BCL11B: variants seen among roughly 807,000 people sequenced by gnomAD.
BCL11B encodes B-cell lymphoma/leukemia 11B.
A neutral mutation model predicts 49.9 loss-of-function variants in BCL11B; 8 were observed. The ratio of observed to expected loss-of-function variants is 0.16; its 90% CI spans 0.09 to 0.29. The LOEUF (loss-of-function observed/expected upper bound fraction) is 0.29. Ranked by LOEUF, BCL11B falls within the 10% of genes least tolerant of loss-of-function variation. The pLI, the probability that BCL11B is intolerant of heterozygous loss-of-function variation, is 1.00. For missense variants in BCL11B, 1,006 were observed against 1,351.0 expected, an observed-to-expected ratio of 0.74 and a Z score of 4.00; for synonymous variants, 739 against 637.4, an observed-to-expected ratio of 1.16 and a Z score of -2.40.
intron 3 of BCL11B, among the ~76,000 whole-genome samples, chr14:99,196,651 C>G (rs186096150): frequency 9.3e-4 from 142 of 152,322 alleles, no homozygotes; most frequent in Non-Finnish European, 1.4e-3. Flanking sequence ...GCTGAAGCCT[C>G]AGCAGTTCCA....
chr14:99,206,334 T>C (rs1887532722), intron 3 of BCL11B, among the ~76,000 whole-genome samples: 4 of 152,210 alleles, frequency 2.6e-5, no homozygotes, highest in Non-Finnish European at 5.9e-5. Flanking sequence ...TTGAATACAG[T>C]AGTTCCCTGT....
At position 99,232,529 on chromosome 14, in the gene BCL11B, G is replaced by A. The variant is rs763574075; in HGVS notation, c.428-972C>T. Among the ~76,000 whole-genome samples, 8 of 152,168 alleles carry A rather than the reference G, an allele frequency of 5.3e-5. No individual in the cohort carries two copies. Among genetic ancestry groups the A allele is most frequent in the East Asian group, 3.9e-4 (2 of 5,178 alleles). ...AGAGGATGGGCAGCTGGGCCCAGCCGGCTTTGCCAGGGAGGCCCAGCACAG... is the reference window on the plus strand; with the variant it reads ...AGAGGATGGGCAGCTGGGCCCAGCCAGCTTTGCCAGGGAGGCCCAGCACAG... On this transcript the variant is annotated intron_variant, in intron 2 of 3. Coordinates refer to ENST00000357195, the MANE Select transcript of BCL11B (RefSeq NM_138576.4). The surrounding 1 kb of genome is among the most constrained non-coding windows in gnomAD (Gnocchi z 5.1).
chr14:99,237,560 G>A (rs1224467511), intron 2 of BCL11B, among the ~76,000 whole-genome samples: 1 of 152,100 alleles, frequency 6.6e-6, no homozygotes, highest in Non-Finnish European at 1.5e-5. Flanking sequence ...TTCTCCATCA[G>A]ACACCACTGT....
rs1378054447 is a variant in BCL11B, at chr14:99,195,459, T to TC, written c.641-19265dup. Among the ~76,000 whole-genome samples the TC allele has an allele frequency of 6.6e-6, 1 of 151,508 alleles. No individual in the cohort carries two copies. Among genetic ancestry groups the TC allele is most frequent in the African/African-American group, 2.4e-5 (1 of 41,190 alleles). On this transcript the variant is annotated intron_variant, in intron 3 of 3. Coordinates refer to ENST00000357195, the MANE Select transcript of BCL11B (RefSeq NM_138576.4). The surrounding 1 kb of genome is among the most constrained non-coding windows in gnomAD (Gnocchi z 4.7). ...TTGCCCACCCCACCACACACCACAG[T>TC]CCCCCAAGCCAGGATACTGCACTGG...
At chr14:99,235,368 G>C (rs947554388) in intron 2 of BCL11B, among the ~76,000 whole-genome samples, 1 of 152,182 alleles carries the variant, frequency 6.6e-6, no homozygotes, top group African/African-American at 2.4e-5. Context: ...GGGAGGCAGC[G>C]CGTGTGAGTG....
Position 99,200,411 on chromosome 14 carries a change from G to A in BCL11B, c.641-24216C>T, listed in dbSNP as rs78408035. On this transcript the variant is annotated intron_variant, in intron 3 of 3. Coordinates refer to ENST00000357195, the MANE Select transcript of BCL11B (RefSeq NM_138576.4). ...AAGCCAATATCTATGGCTGGAGCCA[G>A]GGGACATGAGCAGTGCCCCAGATCA... is the stretch of plus-strand genomic sequence containing the variant. Among the ~76,000 whole-genome samples, 533 of 152,348 alleles carry A rather than the reference G, an allele frequency of 3.5e-3. 23 individuals carry two copies. The East Asian group carries it at 0.089, about 25-fold the overall frequency.
chr14:99,271,264 G>C lies in BCL11B; in HGVS notation c.-46C>G, dbSNP rs756408475. On this transcript the variant is annotated 5_prime_UTR_variant, in exon 1 of 4. Transcript: ENST00000357195. ...CATCGCCCGGAGAGCTGCACTGATG[G>C]GGGGAGCCGGGGGAGGGGGTCCGAG... is the stretch of plus-strand genomic sequence containing the variant. 1.7e-5 allele frequency: 22 copies of C among 1,287,092 alleles called. No homozygotes were observed. The Admixed American group carries it at 6.9e-4, about 40-fold the overall frequency. 79.7% of individuals were successfully genotyped at this position (1,287,092 alleles called of 1,614,324 possible).
At chr14:99,217,393 C>CACACATACAG (rs148995343) in intron 3 of BCL11B, among the ~76,000 whole-genome samples, 45,856 of 149,148 alleles carry the variant, frequency 0.31, 8,182 homozygotes, top group Non-Finnish European at 0.42. Flanking sequence ...CAGACACACA[C>CACACATACAG]ACACACACAC....
intron 3 of BCL11B, among the ~76,000 whole-genome samples, chr14:99,180,041 CT>C (rs1886656119): frequency 6.6e-6 from 1 of 152,200 alleles, no homozygotes; most frequent in Admixed American, 6.5e-5. Flanking sequence ...GAGCAGGCTG[CT>C]TCTGACTGGG....
intron 2 of BCL11B, among the ~76,000 whole-genome samples, chr14:99,236,559 C>T (rs369683407): frequency 5.4e-4 from 82 of 152,276 alleles, no homozygotes; most frequent in Admixed American, 1.4e-3. Context: ...CTGTGGTCAT[C>T]TGGCACTTCT....
At chr14:99,187,813 C>T (rs925175858) in intron 3 of BCL11B, among the ~76,000 whole-genome samples, 4 of 149,672 alleles carry the variant, frequency 2.7e-5, no homozygotes, top group South Asian at 2.1e-4. Flanking sequence ...GAAGTCTCCC[C>T]TCTCCATAAT....
At position 99,192,537 on chromosome 14, in the gene BCL11B, C is replaced by G. The variant is rs1330007224; in HGVS notation, c.641-16342G>C. Among the ~76,000 whole-genome samples, 3 of 152,212 alleles carry G rather than the reference C, an allele frequency of 2.0e-5. No homozygotes were observed. The highest frequency in any genetic ancestry group is 7.2e-5 in the African/African-American group (3 of 41,454). On this transcript the variant is annotated intron_variant, in intron 3 of 3. Coordinates refer to ENST00000357195, the MANE Select transcript of BCL11B (RefSeq NM_138576.4). The surrounding 1 kb of genome is among the most constrained non-coding windows in gnomAD (Gnocchi z 4.0). ...TCACCTCGTCCTCGCCACACACACC[C>G]AGGCCCAGCCCCGCTGCCTCCTCTA...
chr14:99,252,970 G>A (rs945466674), intron 2 of BCL11B, among the ~76,000 whole-genome samples: 8 of 152,320 alleles, frequency 5.3e-5, no homozygotes, highest in South Asian at 2.1e-4. Flanking sequence ...ACACGTACTC[G>A]GCATGCTGCC....
chr14:99,198,294 C>A (rs373635198), intron 3 of BCL11B, among the ~76,000 whole-genome samples: 1 of 152,204 alleles, frequency 6.6e-6, no homozygotes, highest in South Asian at 2.1e-4. Context: ...CTTAAAATGT[C>A]AATGTTTCCT....
intron 3 of BCL11B, among the ~76,000 whole-genome samples, chr14:99,188,180 T>C (rs1403103013): frequency 6.6e-6 from 1 of 152,218 alleles, no homozygotes; most frequent in Non-Finnish European, 1.5e-5. Context: ...TAAAGGTTAT[T>C]CCCTTGTTCT....
intron 2 of BCL11B, among the ~76,000 whole-genome samples, chr14:99,256,012 C>T (rs1889153256): frequency 6.6e-6 from 1 of 152,242 alleles, no homozygotes; most frequent in Non-Finnish European, 1.5e-5. Context: ...ACAGTCTCCC[C>T]ACAAAAGAGA....
At chr14:99,259,993 A>G (rs1470880113) in intron 1 of BCL11B, among the ~76,000 whole-genome samples, 1 of 152,210 alleles carries the variant, frequency 6.6e-6, no homozygotes, top group Non-Finnish European at 1.5e-5. Flanking sequence ...ACCTTTAATT[A>G]CCAATTACAT....
chr14:99,184,877 T>C lies in BCL11B; in HGVS notation c.641-8682A>G, dbSNP rs938416396. On this transcript the variant is annotated intron_variant, in intron 3 of 3. Coordinates refer to ENST00000357195, the MANE Select transcript of BCL11B (RefSeq NM_138576.4). The surrounding 1 kb of genome is among the most constrained non-coding windows in gnomAD (Gnocchi z 6.1). ...TGGGACCCCTGCAGCAGAGGTGAGC[T>C]GTGCGGCTTCATCTGCCTGGACTTA... Among the ~76,000 whole-genome samples the C allele has an allele frequency of 6.6e-6, 1 of 152,218 alleles. No homozygotes were observed. Among genetic ancestry groups the C allele is most frequent in the Admixed American group, 6.5e-5 (1 of 15,288 alleles).
At position 99,228,517 on chromosome 14, in the gene BCL11B, C is replaced by G. The variant is rs1048863985; in HGVS notation, c.640+2828G>C. Reference sequence around the variant, plus strand: ...CTTAGAAGGGTCTCCTGGAGCAGTCCTAGGGGCTCAGCCTCCTGCAGTCCC... The same window carrying G: ...CTTAGAAGGGTCTCCTGGAGCAGTCGTAGGGGCTCAGCCTCCTGCAGTCCC... On this transcript the variant is annotated intron_variant, in intron 3 of 3. Coordinates refer to ENST00000357195, the MANE Select transcript of BCL11B (RefSeq NM_138576.4). The surrounding 1 kb of genome is among the most constrained non-coding windows in gnomAD (Gnocchi z 4.8). Among the ~76,000 whole-genome samples, 8 of 152,164 alleles carry G rather than the reference C, an allele frequency of 5.3e-5. No homozygotes were observed. The highest frequency in any genetic ancestry group is 1.0e-4 in the Non-Finnish European group (7 of 67,998).
Sources: allele counts gnomAD v4.1 joint callset (sites outside exome capture counted in the v4.1 genomes callset), GRCh38; gene constraint gnomAD v4.1.1; non-coding constraint Gnocchi (gnomAD v3.1); transcripts MANE v1.5; gene names NCBI Gene and HGNC (gene_info 2026-07-23, HGNC 2026-07-21).